TTC8: variants seen among roughly 807,000 people sequenced by gnomAD.
TTC8 encodes the protein tetratricopeptide repeat domain 8, also known as tetratricopeptide repeat protein 8.
A neutral mutation model predicts 72.5 loss-of-function variants in TTC8; 47 were observed. The observed-to-expected ratio is 0.65, with a 90% CI of 0.51 to 0.83. The LOEUF (loss-of-function observed/expected upper bound fraction) is 0.83, where lower values mean the gene tolerates loss of function less well. Among genes scored for constraint, TTC8 ranks in the 40% least tolerant of loss-of-function variants. The pLI is 0.00. For missense variants in TTC8, 611 were observed against 623.2 expected (o/e 0.98, Z 0.21); for synonymous variants, 199 against 221.4 (o/e 0.90, Z 0.90).
chr14:88,837,963 A>G (rs2094760972), intron 2 of TTC8, among the ~76,000 whole-genome samples: 1 of 152,162 alleles, frequency 6.6e-6, no homozygotes, highest in Non-Finnish European at 1.5e-5. Flanking sequence ...CATACATAAC[A>G]TTCAAAACAG....
At chr14:88,827,401 T>C (rs2094706469) in intron 1 of TTC8, among the ~76,000 whole-genome samples, 2 of 152,344 alleles carry the variant, frequency 1.3e-5, no homozygotes, top group African/African-American at 2.4e-5. Flanking sequence ...TGGAGGAAAT[T>C]TGATATTCTT....
chr14:88,867,924 A>G (rs903752346), intron 10 of TTC8, among the ~76,000 whole-genome samples: 1 of 152,202 alleles, frequency 6.6e-6, no homozygotes, highest in Non-Finnish European at 1.5e-5. Flanking sequence ...ATGAAGAAAT[A>G]TATATAAAAC....
intron 8 of TTC8, among the ~76,000 whole-genome samples, chr14:88,855,222 A>G (rs1412789072): frequency 2.6e-5 from 4 of 152,146 alleles, no homozygotes; most frequent in Non-Finnish European, 5.9e-5. Flanking sequence ...TTATTTGTGA[A>G]CATGTTTTGT....
intron 2 of TTC8, chr14:88,837,112 A>G: frequency 4.4e-6 from 1 of 225,510 alleles, no homozygotes; most frequent in Non-Finnish European, 9.2e-6. Context: ...GTAGGACTCC[A>G]AATCATAGTT....
chr14:88,873,784 A>G (rs1299327774), intron 13 of TTC8, among the ~76,000 whole-genome samples: 1 of 152,252 alleles, frequency 6.6e-6, no homozygotes, highest in Non-Finnish European at 1.5e-5. Flanking sequence ...GTTAGCAGCC[A>G]TCAAGGGCAA....
At chr14:88,831,146 C>T (rs2094724103) in intron 1 of TTC8, 3 of 234,398 alleles carry the variant, frequency 1.3e-5, no homozygotes, top group Non-Finnish European at 1.8e-5. Context: ...AAAGCGACCC[C>T]TCGCTGCCCT....
At position 88,824,664 on chromosome 14, in the gene TTC8, C is replaced by T. The variant is rs571786285; in HGVS notation, c.-44C>T. The T allele has an allele frequency of 4.9e-5, 74 of 1,518,690 alleles. 1 individual carries two copies. Among genetic ancestry groups the T allele is most frequent in the South Asian group, 3.9e-4 (33 of 84,500 alleles). The allele number at this position is 1,518,690 out of a possible 1,614,324, so 94.1% of individuals were successfully genotyped here. A position where few individuals can be genotyped will look rare whatever the true frequency, so the allele number is the denominator to read the frequency against. ...CGCCAGCTCTTCACTCCACGCCCAC[C>T]TCTCTCCTGGAGCGCTGGGCCTTCG... On this transcript the variant is annotated 5_prime_UTR_variant, in exon 1 of 15. Coordinates refer to ENST00000380656, the MANE Select transcript of TTC8 (RefSeq NM_144596.4).
intron 1 of TTC8, among the ~76,000 whole-genome samples, chr14:88,825,646 A>G (rs935202710): frequency 3.3e-5 from 5 of 152,216 alleles, no homozygotes; most frequent in Admixed American, 3.3e-4. Flanking sequence ...TGCTTTTAGT[A>G]AGTGCGGAAT....
Position 88,877,498 on chromosome 14 carries a change from A to G in TTC8, c.*88A>G. On this transcript the variant is annotated 3_prime_UTR_variant, in exon 15 of 15. Transcript: ENST00000380656. ...GTCTGTGTATGTATGTATATAGTGT[A>G]ATACGTATATTTTAACAAACCTGTC... The G allele has an allele frequency of 9.5e-7, 1 of 1,053,480 alleles. No homozygotes were observed. The highest frequency in any genetic ancestry group is 1.5e-6 in the Non-Finnish European group (1 of 672,562). The allele number at this position is 1,053,480 out of a possible 1,614,324, so 65.3% of individuals were successfully genotyped here. A position where few individuals can be genotyped will look rare whatever the true frequency, so the allele number is the denominator to read the frequency against.
chr14:88,860,640 T>A (rs886618574), intron 9 of TTC8, among the ~76,000 whole-genome samples: 4 of 152,192 alleles, frequency 2.6e-5, no homozygotes, highest in Non-Finnish European at 5.9e-5. Context: ...TTTCCCTTGA[T>A]TCTTTCTTGT....
chr14:88,861,986 T>A (rs550747912), intron 10 of TTC8, among the ~76,000 whole-genome samples: 10 of 152,302 alleles, frequency 6.6e-5, no homozygotes, highest in African/African-American at 2.4e-4. Context: ...TTCTTTTGGG[T>A]ATATATTCAG....
In TTC8 at chr14:88,877,533, A is replaced by G. The variant is rs577576491; in HGVS notation, c.*123A>G. On this transcript the variant is annotated 3_prime_UTR_variant, in exon 15 of 15. Transcript: ENST00000380656. ...TTTTAACAAACCTGTCCTTGATATT[A>G]GTTAAGGTGACACATAAGGGTGACA... 6.3e-6 allele frequency: 5 copies of G among 799,812 alleles called. No homozygotes were observed. In the East Asian group the frequency reaches 1.0e-4, roughly 16 times the overall value. 49.5% of individuals were successfully genotyped at this position (799,812 alleles called of 1,614,324 possible).
intron 7 of TTC8, among the ~76,000 whole-genome samples, chr14:88,851,631 G>A (rs1409175271): frequency 6.6e-6 from 1 of 151,962 alleles, no homozygotes; most frequent in Non-Finnish European, 1.5e-5. Context: ...TAGTATATCT[G>A]AAAATAATGC....
At chr14:88,838,967 CA>C (rs2094766323) in intron 2 of TTC8, among the ~76,000 whole-genome samples, 1 of 151,946 alleles carries the variant, frequency 6.6e-6, no homozygotes, top group Non-Finnish European at 1.5e-5. Flanking sequence ...GAGTGTTTTT[CA>C]AATATGGTTA....
chr14:88,877,353 C>A lies in TTC8; in HGVS notation c.1491C>A (p.Asp497Glu), dbSNP rs886050878. ...AGAAGTCTGAAGCAGCATTTCCAGA[C>A]CATGTGGACACACAACATTTAATTA... Reference protein sequence around the residue: ...AAQKSEAAFPDHVDTQHLIKQ... With the variant: ...AAQKSEAAFPEHVDTQHLIKQ... The change falls in exon 15 of 15, where the codon GAC (aspartate) becomes GAA (glutamate). Residue 497 changes from aspartate (D) to glutamate (E), a missense_variant. Physicochemically the swap from Asp to Glu is conservative, Grantham distance 45. Coordinates refer to ENST00000380656, the MANE Select transcript of TTC8 (RefSeq NM_144596.4). The A allele has an allele frequency of 6.2e-7, 1 of 1,613,678 alleles. No homozygotes were observed. The highest frequency in any genetic ancestry group is 1.3e-5 in the African/African-American group (1 of 74,890).
chr14:88,837,660 G>A (rs76886560), intron 2 of TTC8, among the ~76,000 whole-genome samples: 4,141 of 152,258 alleles, frequency 0.027, 138 homozygotes, highest in East Asian at 0.16. Flanking sequence ...TACTGGCAGG[G>A]CAGTATGACC....
At chr14:88,857,964 A>ATT (rs759334578) in intron 9 of TTC8, among the ~76,000 whole-genome samples, 12 of 135,904 alleles carry the variant, frequency 8.8e-5, no homozygotes, top group Non-Finnish European at 1.3e-4. Context: ...TCTTTCTTTC[A>ATT]TTTTTTTTTT....
rs748561167 is a variant in TTC8, at chr14:88,841,139, C to T, written c.432C>T (p.Thr144=). 43 of 1,613,966 alleles carry T rather than the reference C, an allele frequency of 2.7e-5. No individual in the cohort carries two copies. Among genetic ancestry groups the T allele is most frequent in the Non-Finnish European group, 3.1e-5 (37 of 1,180,030 alleles). ...TMEQAIRTPR[T]AYTARPITSS... is the part of the protein sequence containing the mutation. ...AACAGGCTATCAGAACACCCAGAACCGCCTACACAGCCCGCCCTATCACCA... is the reference window on the plus strand; with the variant it reads ...AACAGGCTATCAGAACACCCAGAACTGCCTACACAGCCCGCCCTATCACCA... Residue 144 remains threonine, a synonymous_variant, in exon 5 of 15, where the codon ACC becomes ACT. Coordinates refer to ENST00000380656, the MANE Select transcript of TTC8 (RefSeq NM_144596.4).
At position 88,839,647 on chromosome 14, in the gene TTC8, A is replaced by G. The variant is rs924135618; in HGVS notation, c.265+75A>G. Reference sequence around the variant, plus strand: ...AATACTGTGTATAAGAGGAATATATATGCCTATATATTTCTACACTTTATA... The same window carrying G: ...AATACTGTGTATAAGAGGAATATATGTGCCTATATATTTCTACACTTTATA... On this transcript the variant is annotated intron_variant, in intron 3 of 14. Transcript: ENST00000380656. The G allele has an allele frequency of 2.7e-6, 4 of 1,503,424 alleles. No homozygotes were observed. The African/African-American group carries it at 4.1e-5, about 16-fold the overall frequency. 93.1% of individuals were successfully genotyped at this position (1,503,424 alleles called of 1,614,324 possible).
Sources: gnomAD v4.1 joint callset for allele counts (sites outside exome capture counted in the v4.1 genomes callset) on GRCh38, gnomAD v4.1.1 for gene constraint, MANE v1.5 for transcripts, NCBI Gene and HGNC (gene_info 2026-07-23, HGNC 2026-07-21) for gene names.